Variants in TUSC3 observed in about 807,000 individuals in gnomAD.
The protein encoded by TUSC3 is dolichyl-diphosphooligosaccharide--protein glycosyltransferase subunit TUSC3.
A neutral mutation model predicts 44.8 loss-of-function variants in TUSC3; 45 were observed. That is an observed-to-expected ratio of 1.00 (90% confidence interval 0.79 to 1.29). The LOEUF (loss-of-function observed/expected upper bound fraction) is 1.29. Ranked by LOEUF, TUSC3 falls within the 50% of genes most tolerant of loss-of-function variation. The pLI is 0.00. For missense variants in TUSC3, 519 were observed against 437.9 expected (o/e 1.19, Z -1.65); for synonymous variants, 212 against 152.9 (o/e 1.39, Z -2.85).
chr8:15,753,858 G>A (rs1333680696), intron 9 of TUSC3, among the ~76,000 whole-genome samples: 1 of 151,984 alleles, frequency 6.6e-6, no homozygotes, highest in Admixed American at 6.6e-5. Flanking sequence ...GTTAACTAAA[G>A]AAAGAGCAAA....
chr8:15,627,812 C>G (rs1467912391), intron 2 of TUSC3, among the ~76,000 whole-genome samples: 1 of 152,254 alleles, frequency 6.6e-6, no homozygotes, highest in African/African-American at 2.4e-5. Context: ...CCCATGCTCA[C>G]TCACACACTT....
upstream of TUSC3, among the ~76,000 whole-genome samples, chr8:15,535,644 C>T (rs1801512482): frequency 6.6e-6 from 1 of 152,144 alleles, no homozygotes; most frequent in South Asian, 2.1e-4. Flanking sequence ...CTATTCTAGA[C>T]AGTATGAATA....
intron 1 of TUSC3, among the ~76,000 whole-genome samples, chr8:15,542,842 A>G (rs960387084): frequency 1.3e-5 from 2 of 152,362 alleles, no homozygotes; most frequent in East Asian, 1.9e-4. Context: ...ATTACAGTGT[A>G]TGTATATTTT....
At chr8:15,808,525 A>T in the TUSC3 span, among the ~76,000 whole-genome samples, 1 of 152,110 alleles carries the variant, frequency 6.6e-6, no homozygotes. Flanking sequence ...CAGCCTTTTA[A>T]TGAGACTGTC....
At chr8:15,609,532 A>T (rs1215812384) in intron 1 of TUSC3, among the ~76,000 whole-genome samples, 1 of 152,176 alleles carries the variant, frequency 6.6e-6, no homozygotes, top group Non-Finnish European at 1.5e-5. Flanking sequence ...GATATGAAAG[A>T]GTTCAAGAAA....
chr8:15,651,008 C>A, intron 3 of TUSC3, 194 bp downstream of exon 3: 1 of 564,690 alleles, frequency 1.8e-6, no homozygotes, highest in Non-Finnish European at 3.2e-6. Context: ...CACACACACA[C>A]ACACACACAC....
At chr8:15,513,880 C>T (rs1801175975) in intron 2 of TUSC3, among the ~76,000 whole-genome samples, 1 of 152,094 alleles carries the variant, frequency 6.6e-6, no homozygotes, top group African/African-American at 2.4e-5. Flanking sequence ...CAAATTTTTC[C>T]ACCTTTAGTC....
chr8:15,560,259 A>G (rs1480004971), intron 1 of TUSC3, among the ~76,000 whole-genome samples: 2 of 146,056 alleles, frequency 1.4e-5, no homozygotes, highest in African/African-American at 2.5e-5. Flanking sequence ...TCCTTCACTT[A>G]TGAAGCTTAG....
chr8:15,429,102 G>A (rs1290000792), intron 1 of TUSC3, among the ~76,000 whole-genome samples: 1 of 152,050 alleles, frequency 6.6e-6, no homozygotes, highest in African/African-American at 2.4e-5. Context: ...TATGGCTTTA[G>A]GTCTAACATG....
At chr8:15,471,006 C>A (rs367656807) in intron 1 of TUSC3, among the ~76,000 whole-genome samples, 52 of 152,240 alleles carry the variant, frequency 3.4e-4, no homozygotes, top group African/African-American at 1.2e-3. Flanking sequence ...AAAATTTCAT[C>A]AAGTAGATGA....
intron 1 of TUSC3, among the ~76,000 whole-genome samples, chr8:15,428,567 C>G (rs1233267136): frequency 1.3e-5 from 2 of 152,184 alleles, no homozygotes; most frequent in African/African-American, 2.4e-5. Flanking sequence ...AATGGCTGAA[C>G]TAGTTTACAA....
At chr8:15,532,117 G>C (rs1801458921) in intron 2 of TUSC3, among the ~76,000 whole-genome samples, 1 of 151,980 alleles carries the variant, frequency 6.6e-6, no homozygotes, top group Non-Finnish European at 1.5e-5. Context: ...CTTGCAGATA[G>C]GAGATAACTA....
chr8:15,692,367 C>A (rs1336232320), intron 6 of TUSC3, among the ~76,000 whole-genome samples: 1 of 127,010 alleles, frequency 7.9e-6, no homozygotes, highest in Non-Finnish European at 1.6e-5. Context: ...ACCCCCCCCC[C>A]CCCCTTTGTT....
rs377287525 is a variant in TUSC3 at position 15,566,366 on chromosome 8, G to A, written c.138+25798G>A. On this transcript the variant is annotated intron_variant, in intron 1 of 10. Transcript: ENST00000503731. ...GGATTTTAGTGGTTGGCGTTTTGAG[G>A]AAAACAACTTTAAATCATTTTATTA... Among the ~76,000 whole-genome samples, 22 of 152,126 alleles carry A rather than the reference G, an allele frequency of 1.4e-4. 1 individual carries two copies. The highest frequency in any genetic ancestry group is 5.3e-4 in the African/African-American group (22 of 41,516).
intron 1 of TUSC3, among the ~76,000 whole-genome samples, chr8:15,614,847 C>G (rs769285142): frequency 5.3e-5 from 8 of 151,164 alleles, no homozygotes. Flanking sequence ...GAAACAGACT[C>G]CTTGGGTTAG....
chr8:15,838,102 G>A, the TUSC3 span, among the ~76,000 whole-genome samples: 73 of 152,214 alleles, frequency 4.8e-4, no homozygotes, highest in African/African-American at 1.6e-3. Context: ...TGTATCAATA[G>A]ACCACCTCCT....
intron 7 of TUSC3, 69 bp downstream of exon 7, chr8:15,730,798 T>C (rs1034692675): frequency 5.4e-6 from 8 of 1,473,380 alleles, no homozygotes; most frequent in Non-Finnish European, 7.5e-6. Context: ...ATTGACATTT[T>C]TCCTGGCAGT....
intron 1 of TUSC3, among the ~76,000 whole-genome samples, chr8:15,617,741 T>A (rs1238368778): frequency 6.6e-6 from 1 of 152,252 alleles, no homozygotes; most frequent in African/African-American, 2.4e-5. Flanking sequence ...ATGTTTACGT[T>A]AGTAATGCAG....
chr8:15,836,404 G>C, the TUSC3 span, among the ~76,000 whole-genome samples: 1 of 151,406 alleles, frequency 6.6e-6, no homozygotes, highest in Non-Finnish European at 1.5e-5. Flanking sequence ...TTGAATCTGG[G>C]AGGTGGAGGT....
Sources: gnomAD v4.1 joint callset for allele counts (sites outside exome capture counted in the v4.1 genomes callset) on GRCh38, gnomAD v4.1.1 for gene constraint, MANE v1.5 for transcripts, NCBI Gene and HGNC (gene_info 2026-07-23, HGNC 2026-07-21) for gene names.